Variants in KDM4B observed in about 807,000 individuals in gnomAD.
KDM4B encodes lysine demethylase 4B.
In KDM4B, 32 loss-of-function variants were observed where a neutral mutation model predicts 125.2. The observed-to-expected ratio is 0.26, with a 90% CI of 0.19 to 0.34. The LOEUF (loss-of-function observed/expected upper bound fraction) is 0.34. KDM4B is among the 10% of genes least tolerant of loss of function. KDM4B has a pLI of 1.00. For missense variants in KDM4B, 1,190 were observed against 1,577.7 expected, an observed-to-expected ratio of 0.75 and a Z score of 4.16; for synonymous variants, 721 against 677.9, an observed-to-expected ratio of 1.06 and a Z score of -0.99.
At chr19:5,096,635 G>A (rs539382861) in intron 9 of KDM4B, among the ~76,000 whole-genome samples, 3 of 150,238 alleles carry the variant, frequency 2.0e-5, no homozygotes, top group Non-Finnish European at 3.0e-5. Context: ...TCGGTGGTGC[G>A]TGTTGCCATG....
chr19:5,041,485 A>G (rs111722839), intron 5 of KDM4B, among the ~76,000 whole-genome samples: 4,618 of 152,200 alleles, frequency 0.03, 239 homozygotes, highest in African/African-American at 0.1. Flanking sequence ...CCCTGAGCTC[A>G]CCCTGGCCCC....
chr19:5,102,336 C>T (rs1188361152), intron 9 of KDM4B, among the ~76,000 whole-genome samples: 2 of 152,192 alleles, frequency 1.3e-5, no homozygotes, highest in Non-Finnish European at 2.9e-5. Flanking sequence ...GAGCCATGAG[C>T]GTGGCCTCCT....
chr19:5,135,280 C>T (rs771047128), intron 14 of KDM4B, 59 bp from the exon 15 acceptor site: 20 of 1,252,150 alleles, frequency 1.6e-5, no homozygotes, highest in Admixed American at 1.8e-5. Context: ...AGGTCCGCGC[C>T]GCCCGCCCGC....
intron 11 of KDM4B, among the ~76,000 whole-genome samples, chr19:5,129,154 G>A (rs2039501258): frequency 6.6e-6 from 1 of 152,234 alleles, no homozygotes; most frequent in Non-Finnish European, 1.5e-5. Flanking sequence ...CAAGCCTGCA[G>A]ATGGAGCTGG....
rs1210087056 is a variant in KDM4B at position 4,997,844 on chromosome 19, GCGGGCC to G, written c.-108-18411_-108-18406del. 3.3e-5 allele frequency among the ~76,000 whole-genome samples: 5 copies of G among 152,260 alleles called. No individual in the cohort carries two copies. The highest frequency in any genetic ancestry group is 1.2e-4 in the African/African-American group (5 of 41,472). ...ACACTCCAGGAGGTTGCTAGACCTG[GCGGGCC>G]CCAGGGCCAGGAGTGAGGGGCGGAC... On this transcript the variant is annotated intron_variant, in intron 1 of 22. Coordinates refer to ENST00000159111, the MANE Select transcript of KDM4B (RefSeq NM_015015.3). This position sits in a 1 kb window ranked among gnomAD's most constrained non-coding sequence, Gnocchi z 4.2.
chr19:5,033,034 G>A lies in KDM4B; in HGVS notation c.141+3G>A. On this transcript the variant is annotated splice_donor_region_variant and intron_variant, in intron 3 of 22. Coordinates refer to ENST00000159111, the MANE Select transcript of KDM4B (RefSeq NM_015015.3). Reference sequence around the variant, plus strand: ...CCCACCGGGCGGGCCTGGCCAAGGTGGGTGACATCCTGGCCCCAGCGCGGC... The same window carrying A: ...CCCACCGGGCGGGCCTGGCCAAGGTAGGTGACATCCTGGCCCCAGCGCGGC... 6.2e-7 allele frequency: 1 copy of A among 1,613,096 alleles called. No homozygotes were observed. The highest frequency in any genetic ancestry group is 1.3e-5 in the African/African-American group (1 of 75,046).
At position 5,131,457 on chromosome 19, in the gene KDM4B, C is replaced by A. The variant is rs760760991; in HGVS notation, c.1697C>A (p.Ser566Tyr). 5 of 1,600,300 alleles carry A rather than the reference C, an allele frequency of 3.1e-6. No individual in the cohort carries two copies. Among genetic ancestry groups the A allele is most frequent in the Non-Finnish European group, 4.2e-6 (5 of 1,176,990 alleles). Reference protein sequence around the residue: ...QKGPTWKEPVSPMELTGPEDG... With the variant: ...QKGPTWKEPVYPMELTGPEDG... ...GGTCCGACCTGGAAGGAACCAGTTT[C>A]CCCCATGGAGCTGACGGGGCCAGAG... is the stretch of plus-strand genomic sequence containing the variant. The change falls in exon 12 of 23, where the codon TCC becomes TAC. Residue 566 changes from serine (S) to tyrosine (Y), a missense_variant. Around this residue, in one of 7 missense-constraint regions of KDM4B, gnomAD observed 428 missense variants for 405.1 expected, o/e 1.06. Coordinates refer to ENST00000159111, the MANE Select transcript of KDM4B (RefSeq NM_015015.3).
Position 5,114,217 on chromosome 19 carries a change from A to G in KDM4B, c.1115+3399A>G. 7.8e-7 allele frequency: 1 copy of G among 1,289,616 alleles called. No individual in the cohort carries two copies. Among genetic ancestry groups the G allele is most frequent in the Non-Finnish European group, 1.0e-6 (1 of 988,802 alleles). The allele number at this position is 1,289,616 out of a possible 1,614,324, so 79.9% of individuals were successfully genotyped here. A position where few individuals can be genotyped will look rare whatever the true frequency, so the allele number is the denominator to read the frequency against. On this transcript the variant is annotated intron_variant, in intron 10 of 22. Coordinates refer to ENST00000159111, the MANE Select transcript of KDM4B (RefSeq NM_015015.3). This position sits in a 1 kb window ranked among gnomAD's most constrained non-coding sequence, Gnocchi z 5.8. Reference sequence around the variant, plus strand: ...GAGAAGCGCCATGTGCACGTGCTCCAGCAGGTACGCGCTCCCTGCAGGACA... The same window carrying G: ...GAGAAGCGCCATGTGCACGTGCTCCGGCAGGTACGCGCTCCCTGCAGGACA...
intron 9 of KDM4B, among the ~76,000 whole-genome samples, chr19:5,087,319 G>C (rs2038537031): frequency 6.6e-6 from 1 of 152,260 alleles, no homozygotes; most frequent in African/African-American, 2.4e-5. Flanking sequence ...GAGGAGGCCT[G>C]GTGGCCCTGT....
chr19:5,041,037 C>T (rs1039075105), intron 4 of KDM4B, 100 bp from the exon 5 acceptor site: 1 of 721,362 alleles, frequency 1.4e-6, no homozygotes, highest in Non-Finnish European at 2.4e-6. Context: ...AGAGCCCCTC[C>T]CGCCTCTTTC....
rs535470297 is a variant in KDM4B at position 5,133,869 on chromosome 19, C to G, written c.1907-14C>G. The G allele has an allele frequency of 3.4e-5, 55 of 1,611,690 alleles. No homozygotes were observed. The South Asian group carries it at 5.6e-4, about 16-fold the overall frequency. On this transcript the variant is annotated splice_polypyrimidine_tract_variant and intron_variant, in intron 13 of 22. Transcript: ENST00000159111. ...GCTCAAGTGTCTCTCTCCCTCTCCC[C>G]TCTGTTCTTCTAGAGGCATCCCCTT... is the stretch of plus-strand genomic sequence containing the variant.
intron 6 of KDM4B, among the ~76,000 whole-genome samples, chr19:5,070,074 G>A (rs1253959603): frequency 6.6e-6 from 1 of 152,164 alleles, no homozygotes; most frequent in Non-Finnish European, 1.5e-5. Context: ...GTTCTAGAAC[G>A]GGAGCTGTTG....
At chr19:4,969,334 G>C (rs1229029956) in intron 1 of KDM4B, 104 bp downstream of exon 1, 2 of 146,218 alleles carry the variant, frequency 1.4e-5, no homozygotes, top group Admixed American at 6.8e-5. Flanking sequence ...CGGGACTCGA[G>C]GCCCAGGCCT....
intron 9 of KDM4B, among the ~76,000 whole-genome samples, chr19:5,090,600 T>TTC (rs542704669): frequency 9.0e-5 from 5 of 55,720 alleles, no homozygotes; most frequent in South Asian, 1.2e-3. Flanking sequence ...CTCCCTCTCT[T>TTC]TCTCTCTCTC....
intron 1 of KDM4B, among the ~76,000 whole-genome samples, chr19:4,976,910 G>T (rs187392082): frequency 6.6e-6 from 1 of 152,354 alleles, no homozygotes; most frequent in Admixed American, 6.5e-5. Flanking sequence ...GACTTGTCAA[G>T]AAATCGTACC....
chr19:4,975,294 T>A (rs1296422378), intron 1 of KDM4B, among the ~76,000 whole-genome samples: 1 of 152,210 alleles, frequency 6.6e-6, no homozygotes, highest in Non-Finnish European at 1.5e-5. Flanking sequence ...AAACTTTATT[T>A]ATGGACACAA....
chr19:4,987,546 G>A (rs2034882211), intron 1 of KDM4B, among the ~76,000 whole-genome samples: 1 of 152,182 alleles, frequency 6.6e-6, no homozygotes, highest in Non-Finnish European at 1.5e-5. Context: ...TCTGGCTGGA[G>A]ATGCTATTTG....
At chr19:5,090,171 G>T (rs542295321) in intron 9 of KDM4B, among the ~76,000 whole-genome samples, 4 of 152,124 alleles carry the variant, frequency 2.6e-5, no homozygotes, top group African/African-American at 9.7e-5. Context: ...GCAGGGGAGG[G>T]GTCCTAGCCC....
At chr19:5,102,823 G>A (rs1463340979) in intron 9 of KDM4B, among the ~76,000 whole-genome samples, 2 of 152,214 alleles carry the variant, frequency 1.3e-5, no homozygotes, top group African/African-American at 4.8e-5. Context: ...GCCTCCCTGG[G>A]AGCAGTCTCA....
Sources: allele counts gnomAD v4.1 joint callset (sites outside exome capture counted in the v4.1 genomes callset), GRCh38; gene constraint gnomAD v4.1.1; regional missense constraint gnomAD v4.1.1; non-coding constraint Gnocchi (gnomAD v3.1); transcripts MANE v1.5; gene names NCBI Gene and HGNC (gene_info 2026-07-23, HGNC 2026-07-21).